Variants in KAZN observed in about 807,000 individuals in gnomAD.
KAZN encodes kazrin.
KAZN carries 40 observed loss-of-function variants against 87.4 expected under a neutral mutation model. That is an observed-to-expected ratio of 0.46 (90% CI 0.36 to 0.60). KAZN has a LOEUF of 0.60. KAZN is among the 20% of genes least tolerant of loss of function. The probability of loss-of-function intolerance (pLI) is 0.00; values close to 1 mark genes in which losing one functional copy is unlikely to be tolerated. For synonymous variants in KAZN, 466 were observed against 458.3 expected (o/e 1.02, Z -0.22); for missense variants, 898 against 1,073.9 (o/e 0.84, Z 2.29).
chr1:14,464,240 A>G (rs1454569428), intron 2 of KAZN, among the ~76,000 whole-genome samples: 1 of 152,260 alleles, frequency 6.6e-6, no homozygotes, highest in Non-Finnish European at 1.5e-5. Context: ...GGGAGAAAGT[A>G]CAGACTGCAG....
chr1:14,364,149 C>T lies in KAZN; in HGVS notation c.249+183557C>T, dbSNP rs77925890. Among the ~76,000 whole-genome samples, 187 of 152,170 alleles carry T rather than the reference C, an allele frequency of 1.2e-3. 1 individual carries two copies. In the South Asian group the frequency reaches 0.019, roughly 16 times the overall value. The stretch of plus-strand genomic sequence containing the variant: ...GACAGGATCATGGAGGTCATGCCCC[C>T]GGCACTAACTGGTTGCACATGTACC... On this transcript the variant is annotated intron_variant, in intron 2 of 16. Transcript: ENST00000636203.
intron 2 of KAZN, among the ~76,000 whole-genome samples, chr1:14,534,658 A>G (rs773201558): frequency 6.6e-6 from 1 of 152,168 alleles, no homozygotes; most frequent in East Asian, 1.9e-4. Flanking sequence ...AAAATAAAAA[A>G]TAAAATAAAA....
intron 2 of KAZN, among the ~76,000 whole-genome samples, chr1:14,335,834 G>A (rs1657226088): frequency 6.6e-6 from 1 of 152,168 alleles, no homozygotes; most frequent in Non-Finnish European, 1.5e-5. Flanking sequence ...GAAACAGATG[G>A]ACAGGGAAGC....
intron 1 of KAZN, among the ~76,000 whole-genome samples, chr1:13,955,611 C>T (rs946133517): frequency 1.3e-5 from 2 of 152,044 alleles, no homozygotes; most frequent in Non-Finnish European, 2.9e-5. Context: ...TGTTCTCCAC[C>T]TCAGGAATCT....
chr1:14,937,524 G>A (rs1660594376), intron 1 of KAZN, among the ~76,000 whole-genome samples: 1 of 152,162 alleles, frequency 6.6e-6, no homozygotes, highest in African/African-American at 2.4e-5. Context: ...ACAAGTCCCA[G>A]GTCAGCTTGT....
intron 2 of KAZN, among the ~76,000 whole-genome samples, chr1:14,296,228 T>C (rs1654102598): frequency 6.6e-6 from 1 of 152,196 alleles, no homozygotes. Context: ...TCACTGCATG[T>C]GGGTCAACTT....
At chr1:14,129,396 C>G (rs1349010999) in intron 1 of KAZN, among the ~76,000 whole-genome samples, 2 of 152,188 alleles carry the variant, frequency 1.3e-5, no homozygotes, top group African/African-American at 4.8e-5. Context: ...TTTTTCTTAT[C>G]CATCAGCCAA....
intron 2 of KAZN, among the ~76,000 whole-genome samples, chr1:14,426,556 G>A (rs1424521317): frequency 1.3e-5 from 2 of 151,926 alleles, no homozygotes; most frequent in Non-Finnish European, 2.9e-5. Context: ...AACTGCAGTT[G>A]CCCTACTCCA....
intron 2 of KAZN, among the ~76,000 whole-genome samples, chr1:14,246,987 A>G (rs1160060205): frequency 1.3e-5 from 2 of 152,152 alleles, no homozygotes; most frequent in African/African-American, 2.4e-5. Flanking sequence ...TTACCAGTCT[A>G]TAGTTTGTTC....
chr1:14,653,265 G>A (rs1638566125), intron 1 of KAZN, among the ~76,000 whole-genome samples: 1 of 152,160 alleles, frequency 6.6e-6, no homozygotes, highest in Non-Finnish European at 1.5e-5. Flanking sequence ...GTGTAGGTTT[G>A]GGACACATTG....
chr1:14,071,435 A>G (rs1203782536), intron 1 of KAZN, among the ~76,000 whole-genome samples: 1 of 152,210 alleles, frequency 6.6e-6, no homozygotes, highest in Non-Finnish European at 1.5e-5. Flanking sequence ...CTAAGAGTAC[A>G]AAGGGTTGCT....
intron 2 of KAZN, among the ~76,000 whole-genome samples, chr1:14,367,159 G>T (rs769761440): frequency 1.3e-5 from 2 of 152,118 alleles, no homozygotes; most frequent in Admixed American, 6.5e-5. Context: ...AACACAGGAG[G>T]CGGAGGTTGC....
chr1:14,223,942 T>G (rs559582751), intron 2 of KAZN, among the ~76,000 whole-genome samples: 1 of 152,230 alleles, frequency 6.6e-6, no homozygotes, highest in South Asian at 2.1e-4. Context: ...CAAAAGTATC[T>G]TCAACAAACA....
At chr1:14,882,700 G>A (rs896352476) in intron 1 of KAZN, among the ~76,000 whole-genome samples, 3 of 152,108 alleles carry the variant, frequency 2.0e-5, no homozygotes, top group African/African-American at 4.8e-5. Flanking sequence ...AGGGCTAGAC[G>A]GAATGCTTGC....
At chr1:14,725,704 C>T (rs1183004882) in intron 1 of KAZN, among the ~76,000 whole-genome samples, 1 of 152,146 alleles carries the variant, frequency 6.6e-6, no homozygotes, top group Non-Finnish European at 1.5e-5. Flanking sequence ...CCCAATTTTT[C>T]CTGGTTGCTT....
intron 2 of KAZN, among the ~76,000 whole-genome samples, chr1:14,270,856 T>C (rs1651865254): frequency 6.6e-6 from 1 of 152,186 alleles, no homozygotes; most frequent in Non-Finnish European, 1.5e-5. Flanking sequence ...TTTGATTTTT[T>C]ACCCCTTCCA....
chr1:14,036,684 A>T (rs764172915), intron 1 of KAZN, among the ~76,000 whole-genome samples: 7 of 152,112 alleles, frequency 4.6e-5, no homozygotes, highest in Non-Finnish European at 7.3e-5. Flanking sequence ...AGTAGAATAG[A>T]ATAGGAGTAA....
chr1:14,674,848 G>A (rs1213113370), intron 1 of KAZN, among the ~76,000 whole-genome samples: 3 of 151,962 alleles, frequency 2.0e-5, no homozygotes, highest in African/African-American at 7.3e-5. Flanking sequence ...GTGTAGTGGT[G>A]CAATCATAGC....
At chr1:14,695,510 C>CTTTTTTATTTTTTTTTTTTTTTTTT (rs1641545476) in intron 1 of KAZN, among the ~76,000 whole-genome samples, 1 of 85,048 alleles carries the variant, frequency 1.2e-5, no homozygotes, top group Non-Finnish European at 2.7e-5. Context: ...TACATTCCAT[C>CTTTTTTATTTTTTTTTTTTTTTTTT]TTTTTTTTTT....
Sources: gnomAD v4.1 joint callset for allele counts (sites outside exome capture counted in the v4.1 genomes callset) on GRCh38, gnomAD v4.1.1 for gene constraint, MANE v1.5 for transcripts, NCBI Gene and HGNC (gene_info 2026-07-23, HGNC 2026-07-21) for gene names.